The following TEX22 variants were observed in gnomAD, a reference collection of about 807,000 sequenced individuals.
TEX22 encodes the protein testis-expressed protein 22.
A neutral mutation model predicts 11.3 loss-of-function variants in TEX22; 16 were observed. The ratio of observed to expected loss-of-function variants is 1.42; its 90% CI spans 0.96 to 2.15. The LOEUF is 2.15. Ranked by LOEUF, TEX22 falls within the 30% of genes most tolerant of loss-of-function variation. The pLI, the probability that TEX22 is intolerant of heterozygous loss-of-function variation, is 0.00. For synonymous variants in TEX22, 97 were observed against 92.3 expected (o/e 1.05, Z -0.29); for missense variants, 220 against 208.6 (o/e 1.05, Z -0.34).
chr14:105,408,246 CTT>C (rs782360783), intron 2 of TEX22, among the ~76,000 whole-genome samples: 14 of 143,190 alleles, frequency 9.8e-5, no homozygotes, highest in Non-Finnish European at 1.1e-4. Context: ...TTCTTTCTTC[CTT>C]TTTTTTTTTT....
intron 2 of TEX22, among the ~76,000 whole-genome samples, chr14:105,408,047 A>G (rs1366403692): frequency 1.3e-5 from 2 of 152,140 alleles, no homozygotes; most frequent in African/African-American, 2.4e-5. Flanking sequence ...AGTTCTGTGC[A>G]TGTTCTCCTG....
intron 3 of TEX22, 32 bp from the exon 4 acceptor site, chr14:105,411,628 C>T: frequency 6.6e-7 from 1 of 1,514,764 alleles, no homozygotes. Context: ...CCTTCCCGCC[C>T]CTCGAGGCTC....
At chr14:105,400,302 T>C (rs1217463709) in intron 2 of TEX22, among the ~76,000 whole-genome samples, 2 of 152,222 alleles carry the variant, frequency 1.3e-5, no homozygotes, top group African/African-American at 4.8e-5. Context: ...TTGTACCCTC[T>C]CAGTCATGTC....
In TEX22 at chr14:105,411,635, GCTCCCT is replaced by G; in HGVS notation, c.280-24_280-19del. On this transcript the variant is annotated intron_variant, in intron 3 of 3. Transcript: ENST00000451127. Reference sequence around the variant, plus strand: ...CGTTGTCCCCTTCCCGCCCCTCGAGGCTCCCTGACCACCCTCGCCCGCAGGACGTCG... The same window carrying G: ...CGTTGTCCCCTTCCCGCCCCTCGAGGGACCACCCTCGCCCGCAGGACGTCG... The G allele has an allele frequency of 1.3e-6, 2 of 1,511,974 alleles. No homozygotes were observed. The highest frequency in any genetic ancestry group is 1.8e-6 in the Non-Finnish European group (2 of 1,134,866). 93.7% of individuals were successfully genotyped at this position (1,511,974 alleles called of 1,614,324 possible).
intron 2 of TEX22, among the ~76,000 whole-genome samples, chr14:105,402,159 C>T (rs1595218137): frequency 6.6e-6 from 1 of 152,150 alleles, no homozygotes; most frequent in South Asian, 2.1e-4. Context: ...ACACTCCAGC[C>T]TGGGCGACAG....
Position 105,411,705 on chromosome 14 carries a change from A to G in TEX22, c.325A>G (p.Lys109Glu). ...VAQLVSEDVD[K>E]DVLLPHPLRS... ...CCAGCTGGTGTCGGAGGACGTGGAC[A>G]AGGACGTGCTCCTTCCCCACCCGCT... The change falls in exon 4 of 4, where the codon AAG becomes GAG. Residue 109 changes from lysine (K) to glutamate (E), a missense_variant. Lys to Glu is a moderately conservative substitution (Grantham distance 56). Coordinates refer to ENST00000451127, the MANE Select transcript of TEX22 (RefSeq NM_001195082.2). 6.5e-7 allele frequency: 1 copy of G among 1,531,216 alleles called. No homozygotes were observed. The highest frequency in any genetic ancestry group is 8.7e-7 in the Non-Finnish European group (1 of 1,144,448). 94.9% of individuals were successfully genotyped at this position (1,531,216 alleles called of 1,614,324 possible).
intron 2 of TEX22, among the ~76,000 whole-genome samples, chr14:105,410,180 C>T (rs868942985): frequency 1.3e-5 from 2 of 151,962 alleles, no homozygotes; most frequent in Admixed American, 1.3e-4. Flanking sequence ...CGGATTCAAG[C>T]GATTCTCCTG....
intron 2 of TEX22, among the ~76,000 whole-genome samples, chr14:105,406,981 C>T (rs778203753): frequency 3.3e-5 from 5 of 152,106 alleles, no homozygotes; most frequent in African/African-American, 7.2e-5. Context: ...TCCAGCTTCT[C>T]GCAGCACAGC....
At chr14:105,407,522 G>A (rs1435620835) in intron 2 of TEX22, among the ~76,000 whole-genome samples, 6 of 151,582 alleles carry the variant, frequency 4.0e-5, no homozygotes, top group Admixed American at 2.0e-4. Flanking sequence ...GTAGGTACAC[G>A]TCACCATGCC....
rs112282182 is a variant in TEX22 at position 105,407,099 on chromosome 14, A to T, written c.151-4269A>T. On this transcript the variant is annotated intron_variant, in intron 2 of 3. Coordinates refer to ENST00000451127, the MANE Select transcript of TEX22 (RefSeq NM_001195082.2). Reference sequence around the variant, plus strand: ...TTTTTTTTTTTTTTGAGACAGTCTCACTCTGTCACCCAGGCTGGAGTGCAG... The same window carrying T: ...TTTTTTTTTTTTTTGAGACAGTCTCTCTCTGTCACCCAGGCTGGAGTGCAG... Among the ~76,000 whole-genome samples the T allele has an allele frequency of 3.5e-3, 476 of 136,222 alleles. 4 individuals carry two copies. Among genetic ancestry groups the T allele is most frequent in the African/African-American group, 0.013 (441 of 34,008 alleles). 89.4% of individuals were successfully genotyped at this position (136,222 alleles called of 152,430 possible). A position where few individuals can be genotyped will look rare whatever the true frequency, so the allele number is the denominator to read the frequency against.
At chr14:105,410,320 ACTCGC>A (rs2081682539) in intron 2 of TEX22, among the ~76,000 whole-genome samples, 1 of 151,538 alleles carries the variant, frequency 6.6e-6, no homozygotes, top group Non-Finnish European at 1.5e-5. Context: ...CAGGTGATCT[ACTCGC>A]CTCGGCCTCC....
chr14:105,402,502 C>A (rs587706186), intron 2 of TEX22, among the ~76,000 whole-genome samples: 2 of 152,200 alleles, frequency 1.3e-5, no homozygotes, highest in South Asian at 4.1e-4. Flanking sequence ...CGCCTGTAAT[C>A]CCAGCACTTT....
chr14:105,400,545 G>A (rs1017000578), intron 2 of TEX22, among the ~76,000 whole-genome samples: 3 of 152,134 alleles, frequency 2.0e-5, no homozygotes, highest in Non-Finnish European at 4.4e-5. Context: ...GTCTGAAGGG[G>A]TAGGGATGTG....
chr14:105,411,314 G>A, intron 2 of TEX22, 54 bp from the exon 3 acceptor site: 2 of 1,256,998 alleles, frequency 1.6e-6, no homozygotes, highest in Non-Finnish European at 2.0e-6. Flanking sequence ...GGGTGGGAGC[G>A]GCGAAGGGGA....
At chr14:105,401,095 A>G (rs1385048856) in intron 2 of TEX22, among the ~76,000 whole-genome samples, 3 of 152,252 alleles carry the variant, frequency 2.0e-5, no homozygotes, top group Non-Finnish European at 4.4e-5. Flanking sequence ...GCAGAATTTC[A>G]TAGCCGTAAG....
chr14:105,399,388 C>T lies in TEX22; in HGVS notation c.48C>T (p.His16=). The T allele has an allele frequency of 6.5e-7, 1 of 1,535,796 alleles. No individual in the cohort carries two copies. The highest frequency in any genetic ancestry group is 8.7e-7 in the Non-Finnish European group (1 of 1,146,802). Residue 16 remains histidine (H), a synonymous_variant, in exon 2 of 4, where the codon CAC becomes CAT. Coordinates refer to ENST00000451127, the MANE Select transcript of TEX22 (RefSeq NM_001195082.2). The stretch of plus-strand genomic sequence containing the variant: ...CCCGGGGGAAGAAGCTGGAGTCGCA[C>T]CTCTCCCAAGAGCACAGGCGGCCCC... ...LSPRGKKLES[H]LSQEHRRPPL...
chr14:105,399,179 G>A, intron 1 of TEX22, 123 bp from the exon 2 acceptor site: 1 of 619,736 alleles, frequency 1.6e-6, no homozygotes, highest in Non-Finnish European at 2.8e-6. Context: ...CCTGACCTTT[G>A]GCTGGAAGGT....
In TEX22 at chr14:105,411,379, G is replaced by T; in HGVS notation, c.162G>T (p.Pro54=). 1 of 1,326,422 alleles carries T rather than the reference G, an allele frequency of 7.5e-7. No homozygotes were observed. Among genetic ancestry groups the T allele is most frequent in the Non-Finnish European group, 9.6e-7 (1 of 1,037,900 alleles). 82.2% of individuals were successfully genotyped at this position (1,326,422 alleles called of 1,614,324 possible). Residue 54 remains proline (P), a synonymous_variant, in exon 3 of 4, where the codon CCG becomes CCT. Transcript: ENST00000451127. ...GCCCTGTCCCCCAGGTGTGCGAGCCGCCGGAACGCAGGCGCCCGGGCCGCC... is the reference window on the plus strand; with the variant it reads ...GCCCTGTCCCCCAGGTGTGCGAGCCTCCGGAACGCAGGCGCCCGGGCCGCC... ...GLQTQDWVCE[P]PERRRPGRRW... is the part of the protein sequence containing the mutation.
At chr14:105,399,183 G>A (rs1404181616) in intron 1 of TEX22, 119 bp from the exon 2 acceptor site, 8 of 627,268 alleles carry the variant, frequency 1.3e-5, no homozygotes, top group Non-Finnish European at 1.9e-5. Context: ...ACCTTTGGCT[G>A]GAAGGTGACC....
Sources: gnomAD v4.1 joint callset for allele counts (sites outside exome capture counted in the v4.1 genomes callset) on GRCh38, gnomAD v4.1.1 for gene constraint, MANE v1.5 for transcripts, NCBI Gene and HGNC (gene_info 2026-07-23, HGNC 2026-07-21) for gene names.